MAG: variants seen among roughly 807,000 people sequenced by gnomAD.
MAG encodes myelin associated glycoprotein, also known as myelin-associated glycoprotein.
Under a neutral mutation model 60.7 loss-of-function variants are expected in MAG, and 30 were observed. The observed-to-expected ratio is 0.49, with a 90% CI of 0.37 to 0.67. The LOEUF (loss-of-function observed/expected upper bound fraction) is 0.67, where lower values mean the gene tolerates loss of function less well. MAG is among the 30% of genes least tolerant of loss of function. The probability of loss-of-function intolerance (pLI) is 0.00; values close to 1 mark genes in which losing one functional copy is unlikely to be tolerated. For missense variants in MAG, 795 were observed against 851.7 expected (o/e 0.93, Z 0.83); for synonymous variants, 384 against 376.8 (o/e 1.02, Z -0.22).
chr19:35,295,374 C>G lies in MAG; in HGVS notation c.-23-12C>G, dbSNP rs376703904. 2 of 1,612,698 alleles carry G rather than the reference C, an allele frequency of 1.2e-6. No homozygotes were observed. Among genetic ancestry groups the G allele is most frequent in the East Asian group, 4.5e-5 (2 of 44,878 alleles). On this transcript the variant is annotated splice_polypyrimidine_tract_variant and intron_variant, in intron 2 of 10. Transcript: ENST00000392213. This position sits in a 1 kb window ranked among gnomAD's most constrained non-coding sequence, Gnocchi z 5.8. Reference sequence around the variant, plus strand: ...TTCCCCCAGCCTTTAACCCTCTCCTCTCCCTTTCCAGCGATCACTCACTCG... The same window carrying G: ...TTCCCCCAGCCTTTAACCCTCTCCTGTCCCTTTCCAGCGATCACTCACTCG...
chr19:35,298,026 C>CAA (rs2066415623), intron 4 of MAG, among the ~76,000 whole-genome samples: 1 of 149,964 alleles, frequency 6.7e-6, no homozygotes, highest in Non-Finnish European at 1.5e-5. Flanking sequence ...ACCACACACA[C>CAA]ACCACACACC....
chr19:35,307,219 C>T (rs1293667533), intron 7 of MAG, among the ~76,000 whole-genome samples: 1 of 152,246 alleles, frequency 6.6e-6, no homozygotes, highest in Non-Finnish European at 1.5e-5. Flanking sequence ...TCTGCCCGAA[C>T]AGGACTTTTT....
chr19:35,304,698 G>A (rs1599654411), intron 7 of MAG, among the ~76,000 whole-genome samples: 1 of 152,192 alleles, frequency 6.6e-6, no homozygotes, highest in East Asian at 1.9e-4. Context: ...GCGTCACCAT[G>A]CCCAGCTAAT....
rs2066545148 is a variant in MAG at position 35,313,536 on chromosome 19, A to G, written c.*82A>G. The G allele has an allele frequency of 1.4e-5, 20 of 1,405,334 alleles. No individual in the cohort carries two copies. The highest frequency in any genetic ancestry group is 1.9e-5 in the Non-Finnish European group (20 of 1,050,788). The allele number at this position is 1,405,334 out of a possible 1,614,324, so 87.1% of individuals were successfully genotyped here. A position where few individuals can be genotyped will look rare whatever the true frequency, so the allele number is the denominator to read the frequency against. On this transcript the variant is annotated 3_prime_UTR_variant, in exon 11 of 11. Coordinates refer to ENST00000392213, the MANE Select transcript of MAG (RefSeq NM_002361.4). ...CTGGCTGTGGGCTCCCTTCCTCCCAAAAGTATCGGGGGCTGGGGCAGGAGG... is the reference window on the plus strand; with the variant it reads ...CTGGCTGTGGGCTCCCTTCCTCCCAGAAGTATCGGGGGCTGGGGCAGGAGG...
In MAG at chr19:35,313,426, C is replaced by CT. The variant is rs1431605228; in HGVS notation, c.1854dup (p.Glu619Ter). 3.1e-6 allele frequency: 5 copies of CT among 1,613,312 alleles called. No homozygotes were observed. Among genetic ancestry groups the CT allele is most frequent in the African/African-American group, 1.3e-5 (1 of 74,892 alleles). On this transcript the variant is annotated frameshift_variant, in exon 11 of 11. Transcript: ENST00000392213. LOFTEE classifies it high-confidence loss of function. ...AGCTACACGCTGACGGAGGAGCTAG[C>CT]TGAGTATGCTGAAATCCGGGTCAAG...
At chr19:35,298,041 A>G (rs1278444301) in intron 4 of MAG, among the ~76,000 whole-genome samples, 1 of 148,982 alleles carries the variant, frequency 6.7e-6, no homozygotes, top group African/African-American at 2.5e-5. Flanking sequence ...CACACCACAT[A>G]AACTACACAC....
At position 35,295,387 on chromosome 19, in the gene MAG, G is replaced by A. The variant is rs199874635; in HGVS notation, c.-22G>A. 2.6e-5 allele frequency: 42 copies of A among 1,613,094 alleles called. No homozygotes were observed. The highest frequency in any genetic ancestry group is 2.2e-5 in the Non-Finnish European group (26 of 1,179,788). On this transcript the variant is annotated splice_region_variant and 5_prime_UTR_variant, in exon 3 of 11. Transcript: ENST00000392213. The surrounding 1 kb of genome is among the most constrained non-coding windows in gnomAD (Gnocchi z 5.8). ...TAACCCTCTCCTCTCCCTTTCCAGC[G>A]ATCACTCACTCGCTGTACAGAATGA... is the stretch of plus-strand genomic sequence containing the variant.
intron 10 of MAG, chr19:35,312,394 C>T: frequency 1.4e-6 from 2 of 1,385,836 alleles, no homozygotes; most frequent in South Asian, 2.3e-5. Context: ...GCGTGCATGT[C>T]CGTGTGTCCC....
rs1286023683 is a variant in MAG at position 35,309,971 on chromosome 19, C to T, written c.1329C>T (p.Ala443=). Reference sequence around the variant, plus strand: ...AGTCCAACCCGGAGCCGTCCGTGGCCTTTGAGCTGCCATCGCGCAATGTGA... The same window carrying T: ...AGTCCAACCCGGAGCCGTCCGTGGCTTTTGAGCTGCCATCGCGCAATGTGA... ...VVKSNPEPSV[A]FELPSRNVTV... The change falls in exon 8 of 11, where the codon GCC becomes GCT. Residue 443 remains alanine, a synonymous_variant. Coordinates refer to ENST00000392213, the MANE Select transcript of MAG (RefSeq NM_002361.4). 2 of 1,613,930 alleles carry T rather than the reference C, an allele frequency of 1.2e-6. No homozygotes were observed. The highest frequency in any genetic ancestry group is 1.7e-6 in the Non-Finnish European group (2 of 1,179,954).
At chr19:35,294,527 G>A (rs1440203723) in intron 2 of MAG, among the ~76,000 whole-genome samples, 1 of 152,208 alleles carries the variant, frequency 6.6e-6, no homozygotes, top group Non-Finnish European at 1.5e-5. Flanking sequence ...TGAGGATAAT[G>A]CATCTTCCTC....
chr19:35,306,264 T>C (rs2066485216), intron 7 of MAG, among the ~76,000 whole-genome samples: 1 of 144,666 alleles, frequency 6.9e-6, no homozygotes, highest in South Asian at 2.3e-4. Flanking sequence ...TAGTGCTACA[T>C]ACTCTGTGGA....
chr19:35,308,522 AG>A (rs1479509730), intron 7 of MAG, among the ~76,000 whole-genome samples: 4 of 152,206 alleles, frequency 2.6e-5, no homozygotes, highest in African/African-American at 7.2e-5. Flanking sequence ...GCTTGAGCTC[AG>A]GAGTTCAAGA....
chr19:35,297,229 A>T (rs1482625543), intron 4 of MAG, among the ~76,000 whole-genome samples: 1 of 127,344 alleles, frequency 7.9e-6, no homozygotes, highest in Non-Finnish European at 1.6e-5. Flanking sequence ...CCAAGCACAC[A>T]CCACACACAT....
At chr19:35,292,280 C>G (rs928155984) in intron 1 of MAG, 76 bp downstream of exon 1, 1 of 455,690 alleles carries the variant, frequency 2.2e-6, no homozygotes, top group Non-Finnish European at 4.4e-6. Context: ...TGAGCAGGGT[C>G]AGGTGCTCTG....
At chr19:35,307,558 G>A (rs781010808) in intron 7 of MAG, among the ~76,000 whole-genome samples, 2 of 152,150 alleles carry the variant, frequency 1.3e-5, no homozygotes, top group African/African-American at 2.4e-5. Context: ...ATGGTGGCAC[G>A]CACGTGTAGT....
At chr19:35,308,374 C>A (rs1389994512) in intron 7 of MAG, among the ~76,000 whole-genome samples, 1 of 152,192 alleles carries the variant, frequency 6.6e-6, no homozygotes, top group Non-Finnish European at 1.5e-5. Flanking sequence ...AGGACTAAGC[C>A]AGGGGGAGAG....
chr19:35,295,358 C>T lies in MAG; in HGVS notation c.-23-28C>T. The T allele has an allele frequency of 6.2e-7, 1 of 1,605,560 alleles. No homozygotes were observed. On this transcript the variant is annotated intron_variant, in intron 2 of 10. Coordinates refer to ENST00000392213, the MANE Select transcript of MAG (RefSeq NM_002361.4). The surrounding 1 kb of genome is among the most constrained non-coding windows in gnomAD (Gnocchi z 5.8). ...GAACACCCCCTTTCACTTCCCCCAG[C>T]CTTTAACCCTCTCCTCTCCCTTTCC... is the stretch of plus-strand genomic sequence containing the variant.
intron 1 of MAG, among the ~76,000 whole-genome samples, chr19:35,292,780 T>G (rs2066366690): frequency 6.6e-6 from 1 of 151,914 alleles, no homozygotes; most frequent in Non-Finnish European, 1.5e-5. Flanking sequence ...TTTTTTTTTT[T>G]AAGAGACGGG....
chr19:35,292,288 C>T (rs527957796), intron 1 of MAG, 84 bp downstream of exon 1: 28 of 455,718 alleles, frequency 6.1e-5, no homozygotes, highest in Admixed American at 5.2e-4. Flanking sequence ...GTCAGGTGCT[C>T]TGGGTGAGGG....
Sources: allele counts gnomAD v4.1 joint callset (sites outside exome capture counted in the v4.1 genomes callset), GRCh38; gene constraint gnomAD v4.1.1; non-coding constraint Gnocchi (gnomAD v3.1); transcripts MANE v1.5; gene names NCBI Gene and HGNC (gene_info 2026-07-23, HGNC 2026-07-21).